Variants in CADM2 observed in about 807,000 individuals in gnomAD.
CADM2 encodes the protein cell adhesion molecule 2, also known as immunoglobulin superfamily member 4D.
In CADM2, 12 loss-of-function variants were observed where a neutral mutation model predicts 49.8. That is an observed-to-expected ratio of 0.24 (90% CI 0.15 to 0.39). CADM2 has a LOEUF of 0.39. CADM2 is among the 10% of genes least tolerant of loss of function. The pLI, the probability that CADM2 is intolerant of heterozygous loss-of-function variation, is 1.00. For missense variants in CADM2, 378 were observed against 492.3 expected (o/e 0.77, Z 2.20); for synonymous variants, 214 against 175.4 (o/e 1.22, Z -1.74).
chr3:85,099,057 C>T (rs1359392361), intron 1 of CADM2, among the ~76,000 whole-genome samples: 1 of 152,106 alleles, frequency 6.6e-6, no homozygotes, highest in African/African-American at 2.4e-5. Flanking sequence ...TCAGAAAGAA[C>T]TTTGCTGGTA....
chr3:86,028,450 C>T (rs1237405230), intron 8 of CADM2, among the ~76,000 whole-genome samples: 1 of 151,900 alleles, frequency 6.6e-6, no homozygotes, highest in African/African-American at 2.4e-5. Flanking sequence ...TACCAAGAAC[C>T]ATAAAAAAAG....
chr3:85,252,565 A>T (rs1257491133), intron 1 of CADM2, among the ~76,000 whole-genome samples: 2 of 152,064 alleles, frequency 1.3e-5, no homozygotes, highest in Non-Finnish European at 2.9e-5. Flanking sequence ...GGTGCATACT[A>T]CATTTCAGAT....
At chr3:85,378,896 T>TTATAAAAATACAG (rs1347874575) in intron 1 of CADM2, among the ~76,000 whole-genome samples, 1 of 151,882 alleles carries the variant, frequency 6.6e-6, no homozygotes, top group Non-Finnish European at 1.5e-5. Flanking sequence ...ATAAAATAAA[T>TTATAAAAATACAG]TATAAAAATA....
At chr3:85,820,703 G>T (rs981915645) in intron 3 of CADM2, among the ~76,000 whole-genome samples, 5 of 152,068 alleles carry the variant, frequency 3.3e-5, no homozygotes, top group Non-Finnish European at 7.4e-5. Context: ...TTACATGATA[G>T]CCAATTGGGT....
chr3:85,072,269 T>TTTAAAAGA (rs1218533784), intron 1 of CADM2, among the ~76,000 whole-genome samples: 3 of 152,130 alleles, frequency 2.0e-5, no homozygotes, highest in Non-Finnish European at 4.4e-5. Flanking sequence ...AGGACATATT[T>TTTAAAAGA]TTAAAAGATT....
chr3:85,766,393 T>C (rs947521277), intron 2 of CADM2, among the ~76,000 whole-genome samples: 3 of 152,286 alleles, frequency 2.0e-5, no homozygotes, highest in East Asian at 3.9e-4. Flanking sequence ...CTGGGAAGTA[T>C]GCTCACCTAA....
At chr3:85,012,865 A>G (rs1374240210) in intron 1 of CADM2, among the ~76,000 whole-genome samples, 1 of 151,804 alleles carries the variant, frequency 6.6e-6, no homozygotes, top group Non-Finnish European at 1.5e-5. Context: ...TTGCTACAGG[A>G]CAAAAAAAGT....
chr3:85,004,963 A>T (rs2033652894), intron 1 of CADM2, among the ~76,000 whole-genome samples: 1 of 152,146 alleles, frequency 6.6e-6, no homozygotes, highest in East Asian at 1.9e-4. Context: ...AAGTTGCAAT[A>T]ACTAATGGCA....
chr3:85,086,760 C>G (rs370421255), intron 1 of CADM2, among the ~76,000 whole-genome samples: 1 of 152,058 alleles, frequency 6.6e-6, no homozygotes, highest in South Asian at 2.1e-4. Flanking sequence ...CTGCCCACCT[C>G]TGCCTCCCAA....
chr3:85,114,669 A>G (rs775819404), intron 1 of CADM2, among the ~76,000 whole-genome samples: 3 of 152,086 alleles, frequency 2.0e-5, no homozygotes, highest in Non-Finnish European at 4.4e-5. Flanking sequence ...CTGGTGCGAG[A>G]TAGGTTTGTG....
chr3:84,983,133 A>G (rs1340355408), intron 1 of CADM2, among the ~76,000 whole-genome samples: 1 of 152,154 alleles, frequency 6.6e-6, no homozygotes, highest in African/African-American at 2.4e-5. Context: ...ATATTTTCAT[A>G]TATCCTATTT....
intron 1 of CADM2, among the ~76,000 whole-genome samples, chr3:85,446,893 C>A (rs1213647859): frequency 6.7e-6 from 1 of 148,834 alleles, no homozygotes; most frequent in African/African-American, 2.5e-5. Flanking sequence ...TGAGCCACTG[C>A]ACCTGGCCAT....
At chr3:85,147,171 A>C (rs1354245677) in intron 1 of CADM2, among the ~76,000 whole-genome samples, 2 of 146,786 alleles carry the variant, frequency 1.4e-5, no homozygotes, top group East Asian at 2.2e-4. Flanking sequence ...GCTACTCAGG[A>C]GGCTGAGGCA....
At chr3:85,928,900 T>C (rs1445704555) in intron 6 of CADM2, among the ~76,000 whole-genome samples, 1 of 152,146 alleles carries the variant, frequency 6.6e-6, no homozygotes, top group East Asian at 1.9e-4. Flanking sequence ...AAAATGTGGA[T>C]ATATTACAAA....
intron 1 of CADM2, among the ~76,000 whole-genome samples, chr3:85,071,913 T>G (rs2036760173): frequency 6.6e-6 from 1 of 151,556 alleles, no homozygotes; most frequent in Non-Finnish European, 1.5e-5. Flanking sequence ...GTTGTTATTT[T>G]TATCACCACA....
At chr3:85,241,741 A>G (rs1269341803) in intron 1 of CADM2, among the ~76,000 whole-genome samples, 1 of 151,568 alleles carries the variant, frequency 6.6e-6, no homozygotes, top group African/African-American at 2.4e-5. Context: ...ATTTCAATTT[A>G]TATGTATTTC....
rs1027965174 is a variant in CADM2, at chr3:86,069,460, C to A, written c.*2677C>A. On this transcript the variant is annotated 3_prime_UTR_variant, in exon 10 of 10. Coordinates refer to ENST00000383699, the MANE Select transcript of CADM2 (RefSeq NM_001167675.2). ...TGTTCTGAACTGGAGAAAACAATAT[C>A]AATGAAGTCATATTTTCATACCTTT... 5 of 151,912 alleles carry A rather than the reference C, an allele frequency of 3.3e-5. No homozygotes were observed. The highest frequency in any genetic ancestry group is 7.4e-5 in the Non-Finnish European group (5 of 67,868). 9.4% of individuals were successfully genotyped at this position (151,912 alleles called of 1,614,324 possible).
intron 1 of CADM2, among the ~76,000 whole-genome samples, chr3:85,117,263 T>C (rs1274719413): frequency 6.6e-6 from 1 of 151,502 alleles, no homozygotes; most frequent in Non-Finnish European, 1.5e-5. Context: ...TTTTTTTTTC[T>C]TCTAAATATG....
intron 8 of CADM2, among the ~76,000 whole-genome samples, chr3:86,003,865 T>C (rs921804546): frequency 6.6e-6 from 1 of 152,168 alleles, no homozygotes; most frequent in African/African-American, 2.4e-5. Context: ...TTTCTGCTGA[T>C]TATTACTATG....
Sources: gnomAD v4.1 joint callset for allele counts (sites outside exome capture counted in the v4.1 genomes callset) on GRCh38, gnomAD v4.1.1 for gene constraint, MANE v1.5 for transcripts, NCBI Gene and HGNC (gene_info 2026-07-23, HGNC 2026-07-21) for gene names.